PREX1: variants seen among roughly 807,000 people sequenced by gnomAD.
PREX1 encodes phosphatidylinositol-3,4,5-trisphosphate dependent Rac exchange factor 1.
PREX1 carries 41 observed loss-of-function variants against 198.3 expected under a neutral mutation model. The ratio of observed to expected loss-of-function variants is 0.21; its 90% CI spans 0.16 to 0.27. The LOEUF (loss-of-function observed/expected upper bound fraction) is 0.27. Among genes scored for constraint, PREX1 ranks in the 10% least tolerant of loss-of-function variants. The probability of loss-of-function intolerance (pLI) is 1.00; values close to 1 mark genes in which losing one functional copy is unlikely to be tolerated. For missense variants in PREX1, 1,620 were observed against 2,200.7 expected, an observed-to-expected ratio of 0.74 and a Z score of 5.28; for synonymous variants, 843 against 887.2, an observed-to-expected ratio of 0.95 and a Z score of 0.89.
chr20:48,690,866 T>C (rs932626884), intron 9 of PREX1, 81 bp downstream of exon 9: 1 of 1,585,438 alleles, frequency 6.3e-7, no homozygotes, highest in East Asian at 2.2e-5. Context: ...CCTATGCCCC[T>C]TCCCTAGACA....
At chr20:48,642,716 T>C (rs2089423799) in intron 27 of PREX1, 3 of 490,848 alleles carry the variant, frequency 6.1e-6, no homozygotes, top group East Asian at 3.3e-5. Flanking sequence ...CATGACAAGA[T>C]TGTAAAGCAC....
chr20:48,725,594 C>T (rs2090006225), intron 5 of PREX1, among the ~76,000 whole-genome samples: 2 of 152,362 alleles, frequency 1.3e-5, no homozygotes, highest in South Asian at 4.1e-4. Context: ...ACAGCTCAGA[C>T]TTTGGTCACG....
chr20:48,781,070 A>G (rs2090287589), intron 1 of PREX1, among the ~76,000 whole-genome samples: 1 of 152,216 alleles, frequency 6.6e-6, no homozygotes, highest in Non-Finnish European at 1.5e-5. Flanking sequence ...AAAAAGTGTC[A>G]AGGTCATGAA....
chr20:48,836,016 G>C, the PREX1 span, among the ~76,000 whole-genome samples: 1 of 152,202 alleles, frequency 6.6e-6, no homozygotes, highest in Non-Finnish European at 1.5e-5. Context: ...GTGAAATAGA[G>C]TGAAATAGAG....
chr20:48,880,511 G>A, the PREX1 span, among the ~76,000 whole-genome samples: 6 of 152,214 alleles, frequency 3.9e-5, no homozygotes, highest in East Asian at 5.8e-4. Context: ...AGTCCACCTC[G>A]TGCTGCAGGA....
intron 1 of PREX1, among the ~76,000 whole-genome samples, chr20:48,815,328 G>A (rs528354592): frequency 6.6e-6 from 1 of 152,300 alleles, no homozygotes; most frequent in Non-Finnish European, 1.5e-5. Context: ...GACAGCAGAA[G>A]ACACATTCTT....
chr20:48,696,695 T>C (rs1018540760), intron 7 of PREX1, among the ~76,000 whole-genome samples: 5 of 151,984 alleles, frequency 3.3e-5, no homozygotes, highest in African/African-American at 1.2e-4. Context: ...TTTATTGGAA[T>C]TGCACTGAGG....
At chr20:48,786,749 A>C (rs1020885084) in intron 1 of PREX1, among the ~76,000 whole-genome samples, 3 of 151,904 alleles carry the variant, frequency 2.0e-5, no homozygotes, top group Non-Finnish European at 4.4e-5. Context: ...TGTCAAAAAA[A>C]AAAGAGAAAG....
chr20:48,871,961 C>T, the PREX1 span, among the ~76,000 whole-genome samples: 1 of 151,892 alleles, frequency 6.6e-6, no homozygotes, highest in African/African-American at 2.4e-5. Flanking sequence ...AGATCGAGAC[C>T]ATCCTGGCTA....
intron 13 of PREX1, among the ~76,000 whole-genome samples, chr20:48,678,479 A>AG (rs1568819712): frequency 1.3e-5 from 2 of 150,468 alleles, no homozygotes; most frequent in African/African-American, 2.5e-5. Flanking sequence ...CAAAAAAAAA[A>AG]AAGAAGAAGA....
chr20:48,832,159 T>C (rs1042741074), upstream of PREX1, among the ~76,000 whole-genome samples: 8 of 151,754 alleles, frequency 5.3e-5, no homozygotes, highest in South Asian at 2.1e-4. Context: ...AAAGTGATGA[T>C]AATGATAGGG....
In PREX1 at chr20:48,786,109, T is replaced by C. The variant is rs906471486; in HGVS notation, c.220-38229A>G. On this transcript the variant is annotated intron_variant, in intron 1 of 39. Coordinates refer to ENST00000371941, the MANE Select transcript of PREX1 (RefSeq NM_020820.4). ...TCTGAGGAGCAGCCAGGGGCCAGGA[T>C]GGCTCTGGGCAGAGAAAGGGGGTGA... 5.9e-4 allele frequency among the ~76,000 whole-genome samples: 89 copies of C among 151,152 alleles called. 1 individual carries two copies. The highest frequency in any genetic ancestry group is 1.9e-4 in the Non-Finnish European group (13 of 67,866).
At chr20:48,788,861 G>C (rs1186625762) in intron 1 of PREX1, among the ~76,000 whole-genome samples, 1 of 152,122 alleles carries the variant, frequency 6.6e-6, no homozygotes, top group Non-Finnish European at 1.5e-5. Context: ...GTAAGAAGAG[G>C]AAGAGAAACC....
chr20:48,808,571 G>C (rs1312016604), intron 1 of PREX1, among the ~76,000 whole-genome samples: 2 of 152,150 alleles, frequency 1.3e-5, no homozygotes, highest in Non-Finnish European at 2.9e-5. Flanking sequence ...AGTAGCCAGA[G>C]GGATCCTGCG....
In PREX1 at chr20:48,629,565, G is replaced by T. The variant is rs2089297838; in HGVS notation, c.4650C>A (p.Val1550=). 3 of 1,614,046 alleles carry T rather than the reference G, an allele frequency of 1.9e-6. No homozygotes were observed. Among genetic ancestry groups the T allele is most frequent in the African/African-American group, 2.7e-5 (2 of 74,936 alleles). The change falls in exon 37 of 40, where the codon GTC becomes GTA. Residue 1550 remains valine, a synonymous_variant. Coordinates refer to ENST00000371941, the MANE Select transcript of PREX1 (RefSeq NM_020820.4). ...DELCRLMKSF[V]HPKPGAAGSV... ...TCCCAGCAGCACCAGGCTTTGGGTG[G>T]ACAAAGGACTTCATGAGGCGGCAGA...
chr20:48,857,902 A>G, the PREX1 span, among the ~76,000 whole-genome samples: 4 of 152,188 alleles, frequency 2.6e-5, no homozygotes, highest in African/African-American at 7.2e-5. Flanking sequence ...GAGCCAGGTA[A>G]AAGGGGGGTC....
At chr20:48,811,828 C>T (rs1311246146) in intron 1 of PREX1, among the ~76,000 whole-genome samples, 1 of 152,242 alleles carries the variant, frequency 6.6e-6, no homozygotes, top group Non-Finnish European at 1.5e-5. Flanking sequence ...TCATCCAACT[C>T]ATTTGGATAC....
At position 48,827,368 on chromosome 20, in the gene PREX1, C is replaced by G. The variant is rs188389846; in HGVS notation, c.219+274G>C. Among the ~76,000 whole-genome samples the G allele has an allele frequency of 7.0e-3, 1,060 of 152,308 alleles. 4 individuals carry two copies. The highest frequency in any genetic ancestry group is 0.025 in the African/African-American group (1,022 of 41,570). Reference sequence around the variant, plus strand: ...ACTAATTTTAAAACTATTTGAAAGGCGGGGACGGGGAAGAAAAGACAAAAG... The same window carrying G: ...ACTAATTTTAAAACTATTTGAAAGGGGGGGACGGGGAAGAAAAGACAAAAG... On this transcript the variant is annotated intron_variant, in intron 1 of 39. Transcript: ENST00000371941. This position sits in a 1 kb window ranked among gnomAD's most constrained non-coding sequence, Gnocchi z 4.1.
intron 26 of PREX1, among the ~76,000 whole-genome samples, chr20:48,645,187 G>A (rs1384870251): frequency 6.6e-6 from 1 of 152,200 alleles, no homozygotes; most frequent in Non-Finnish European, 1.5e-5. Context: ...GGGAAGGTCT[G>A]CCTTCTCAAA....
Sources: allele counts gnomAD v4.1 joint callset (sites outside exome capture counted in the v4.1 genomes callset), GRCh38; gene constraint gnomAD v4.1.1; non-coding constraint Gnocchi (gnomAD v3.1); transcripts MANE v1.5; gene names NCBI Gene and HGNC (gene_info 2026-07-23, HGNC 2026-07-21).